HDAC2: variants seen among roughly 807,000 people sequenced by gnomAD.
The protein encoded by HDAC2 is YY1-associated factor 1.
HDAC2 carries 5 observed loss-of-function variants against 68.5 expected under a neutral mutation model. The ratio of observed to expected loss-of-function variants is 0.07; its 90% CI spans 0.04 to 0.15. The LOEUF is 0.15. Ranked by LOEUF, HDAC2 falls within the 10% of genes least tolerant of loss-of-function variation. The pLI is 1.00. For synonymous variants in HDAC2, 182 were observed against 191.3 expected, an observed-to-expected ratio of 0.95 and a Z score of 0.40; for missense variants, 291 against 600.8, an observed-to-expected ratio of 0.48 and a Z score of 5.39.
chr6:113,951,660 G>A (rs1219337209), intron 6 of HDAC2, among the ~76,000 whole-genome samples: 1 of 151,884 alleles, frequency 6.6e-6, no homozygotes, highest in African/African-American at 2.4e-5. Flanking sequence ...GTGGAGACGG[G>A]GTGTCACTGT....
chr6:113,947,395 A>C (rs1046651311), intron 8 of HDAC2: 1 of 152,204 alleles, frequency 6.6e-6, no homozygotes, highest in Non-Finnish European at 1.5e-5. Flanking sequence ...GAAAAAGCTG[A>C]ATCAAAGCTG....
At chr6:113,964,261 GA>G (rs11435750) in intron 1 of HDAC2, among the ~76,000 whole-genome samples, 5 of 144,514 alleles carry the variant, frequency 3.5e-5, no homozygotes, top group East Asian at 2.0e-4. Flanking sequence ...AGAGACTCAG[GA>G]AAAAAAAAAC....
At chr6:113,965,433 C>T (rs1214270178) in intron 1 of HDAC2, among the ~76,000 whole-genome samples, 2 of 151,530 alleles carry the variant, frequency 1.3e-5, no homozygotes, top group Non-Finnish European at 2.9e-5. Context: ...ATGGCATGAT[C>T]TCGGCTCACT....
intron 1 of HDAC2, chr6:113,970,624 G>A (rs1776971843): frequency 7.5e-6 from 10 of 1,338,268 alleles, no homozygotes; most frequent in Non-Finnish European, 9.5e-6. Context: ...AAGGGGGAGA[G>A]GCAGGAGACA....
chr6:113,953,561 C>G (rs1776471649), intron 5 of HDAC2, 143 bp from the exon 6 acceptor site: 1 of 523,428 alleles, frequency 1.9e-6, no homozygotes, highest in Non-Finnish European at 3.3e-6. Context: ...AGAGGTTATT[C>G]AAATATCTGA....
chr6:113,958,847 T>C (rs927181225), intron 2 of HDAC2, 81 bp from the exon 3 acceptor site: 1 of 844,902 alleles, frequency 1.2e-6, no homozygotes, highest in East Asian at 2.5e-5. Context: ...CAAATTCCCC[T>C]ATCGGTCCCC....
chr6:113,945,589 C>G, intron 9 of HDAC2, 119 bp from the exon 10 acceptor site: 1 of 688,278 alleles, frequency 1.5e-6, no homozygotes, highest in Non-Finnish European at 2.6e-6. Flanking sequence ...AAAGTGAACA[C>G]AAAGTGAATG....
At position 113,939,310 on chromosome 6, in the gene HDAC2, G is replaced by C. The variant is rs1012185977; in HGVS notation, c.*1748C>G. ...ATGGTAGACGGGAGGCATGGTGGGA[G>C]GGGGGCGAGGGATAAAAGATTACAA... On this transcript the variant is annotated 3_prime_UTR_variant, in exon 14 of 14. Coordinates refer to ENST00000519065, the MANE Select transcript of HDAC2 (RefSeq NM_001527.4). 1.3e-5 allele frequency: 2 copies of C among 152,230 alleles called. No homozygotes were observed. Among genetic ancestry groups the C allele is most frequent in the Non-Finnish European group, 2.9e-5 (2 of 68,096 alleles). 9.4% of individuals were successfully genotyped at this position (152,230 alleles called of 1,614,324 possible).
chr6:113,953,087 A>C (rs1776460797), intron 6 of HDAC2, among the ~76,000 whole-genome samples, 190 bp downstream of exon 6: 1 of 152,226 alleles, frequency 6.6e-6, no homozygotes, highest in Non-Finnish European at 1.5e-5. Context: ...ACTGTCCTTA[A>C]GTTTTCACTA....
rs531208595 is a variant in HDAC2 at position 113,954,560 on chromosome 6, T to C, written c.498-1142A>G. Among the ~76,000 whole-genome samples the C allele has an allele frequency of 9.2e-5, 14 of 152,338 alleles. No individual in the cohort carries two copies. The South Asian group carries it at 2.9e-3, about 32-fold the overall frequency. On this transcript the variant is annotated intron_variant, in intron 5 of 13. Transcript: ENST00000519065. ...AAGTTGTTTAAAACTATTAGCTGAG[T>C]GGGCAAGAACTTGCTCAAAGAGTTG...
Position 113,966,323 on chromosome 6 carries a change from G to A in HDAC2, c.52+4534C>T, listed in dbSNP as rs530608899. Among the ~76,000 whole-genome samples the A allele has an allele frequency of 7.2e-5, 11 of 152,272 alleles. No individual in the cohort carries two copies. In the East Asian group the frequency reaches 1.5e-3, roughly 21 times the overall value. On this transcript the variant is annotated intron_variant, in intron 1 of 13. Transcript: ENST00000519065. ...CCAGCACTTAGGGAGGCTGAGGTGG[G>A]TGGATCACCCCAGGTCAGGAGTTCG... is the stretch of plus-strand genomic sequence containing the variant.
At chr6:113,970,815 C>T in intron 1 of HDAC2, 42 bp downstream of exon 1, 5 of 1,512,534 alleles carry the variant, frequency 3.3e-6, no homozygotes, top group Non-Finnish European at 4.4e-6. Context: ...AACCCAGCGC[C>T]CGGCCCCGCG....
intron 6 of HDAC2, among the ~76,000 whole-genome samples, chr6:113,950,520 G>T (rs2114599849): frequency 6.6e-6 from 1 of 151,926 alleles, no homozygotes; most frequent in East Asian, 1.9e-4. Context: ...GGCCTCCTGA[G>T]TTGCTGGGAC....
At chr6:113,941,653 C>T (rs1336451110) in intron 13 of HDAC2, 55 bp downstream of exon 13, 1 of 671,334 alleles carries the variant, frequency 1.5e-6, no homozygotes, top group East Asian at 3.0e-5. Flanking sequence ...CACCAATAAA[C>T]ATGTTTAGTA....
intron 10 of HDAC2, among the ~76,000 whole-genome samples, chr6:113,944,633 C>A (rs148492112): frequency 8.5e-4 from 129 of 152,246 alleles, no homozygotes; most frequent in African/African-American, 3.0e-3. Context: ...CGCGTTAGGA[C>A]TACAAGTGTA....
chr6:113,945,490 A>G lies in HDAC2; in HGVS notation c.983-20T>C, dbSNP rs1776246320. Reference sequence around the variant, plus strand: ...GCAACTCTAATGAAAACAATAAAATAAAGTTACATATTACAAGCTCAGTTT... The same window carrying G: ...GCAACTCTAATGAAAACAATAAAATGAAGTTACATATTACAAGCTCAGTTT... On this transcript the variant is annotated intron_variant, in intron 9 of 13. Transcript: ENST00000519065. The G allele has an allele frequency of 9.0e-7, 1 of 1,109,398 alleles. No homozygotes were observed. The highest frequency in any genetic ancestry group is 1.7e-5 in the Admixed American group (1 of 58,248). The allele number at this position is 1,109,398 out of a possible 1,614,324, so 68.7% of individuals were successfully genotyped here. A position where few individuals can be genotyped will look rare whatever the true frequency, so the allele number is the denominator to read the frequency against.
At chr6:113,967,420 C>T (rs1253526864) in intron 1 of HDAC2, among the ~76,000 whole-genome samples, 1 of 152,240 alleles carries the variant, frequency 6.6e-6, no homozygotes, top group African/African-American at 2.4e-5. Context: ...TGAGCCACCA[C>T]ACCTGGCCTA....
rs138828658 is a variant in HDAC2 at position 113,956,228 on chromosome 6, G to A, written c.359-77C>T. 25 of 1,189,736 alleles carry A rather than the reference G, an allele frequency of 2.1e-5. No homozygotes were observed. In the Middle Eastern group the frequency reaches 6.0e-4, roughly 28 times the overall value. The allele number at this position is 1,189,736 out of a possible 1,614,324, so 73.7% of individuals were successfully genotyped here. On this transcript the variant is annotated intron_variant, in intron 4 of 13. Transcript: ENST00000519065. The stretch of plus-strand genomic sequence containing the variant: ...GTAGAATGAGACAAAAACACTACAA[G>A]TGTATGCCATGCATAAGCAAGAGCT...
At position 113,966,072 on chromosome 6, in the gene HDAC2, C is replaced by T. The variant is rs149036330; in HGVS notation, c.52+4785G>A. 5.9e-5 allele frequency among the ~76,000 whole-genome samples: 9 copies of T among 152,252 alleles called. No homozygotes were observed. In the East Asian group the frequency reaches 1.7e-3, roughly 29 times the overall value. On this transcript the variant is annotated intron_variant, in intron 1 of 13. Transcript: ENST00000519065. The stretch of plus-strand genomic sequence containing the variant: ...TAAAGATTCCGGATGTTGAACTCTC[C>T]TTGAACATTAAAACTACAGTCAGTG...
Sources: gnomAD v4.1 joint callset for allele counts (sites outside exome capture counted in the v4.1 genomes callset) on GRCh38, gnomAD v4.1.1 for gene constraint, MANE v1.5 for transcripts, NCBI Gene and HGNC (gene_info 2026-07-23, HGNC 2026-07-21) for gene names.